Variants in BSPRY observed in about 807,000 individuals in gnomAD.
BSPRY encodes the protein B-box and SPRY domain containing, also known as B box and SPRY domain-containing protein.
In BSPRY, 33 loss-of-function variants were observed where a neutral mutation model predicts 38.0. That is an observed-to-expected ratio of 0.87 (90% confidence interval 0.66 to 1.16). The LOEUF (loss-of-function observed/expected upper bound fraction) is 1.16. Ranked by LOEUF, BSPRY falls within the 50% of genes most tolerant of loss-of-function variation. The probability of loss-of-function intolerance (pLI) is 0.00; values close to 1 mark genes in which losing one functional copy is unlikely to be tolerated. For missense variants in BSPRY, 523 were observed against 533.2 expected, an observed-to-expected ratio of 0.98 and a Z score of 0.19; for synonymous variants, 224 against 228.5, an observed-to-expected ratio of 0.98 and a Z score of 0.18.
intron 2 of BSPRY, 84 bp downstream of exon 2, chr9:113,354,422 T>A: frequency 9.5e-7 from 1 of 1,051,002 alleles, no homozygotes; most frequent in Non-Finnish European, 1.4e-6. Context: ...CTAGGGTCCC[T>A]TACCAACCTC....
At position 113,349,603 on chromosome 9, in the gene BSPRY, G is replaced by A; in HGVS notation, c.24G>A (p.Pro8=). The change falls in exon 1 of 6, where the codon CCG becomes CCA. Residue 8 remains proline, a synonymous_variant. Transcript: ENST00000374183. ...CCATGTCCGCCGAGGGCGCGGAGCCGGGGCCGGGGTCCGGGTCCGGGCCCG... is the reference window on the plus strand; with the variant it reads ...CCATGTCCGCCGAGGGCGCGGAGCCAGGGCCGGGGTCCGGGTCCGGGCCCG... MSAEGAE[P]GPGSGSGPGP... The A allele has an allele frequency of 8.4e-7, 1 of 1,187,352 alleles. No individual in the cohort carries two copies. The highest frequency in any genetic ancestry group is 4.0e-5 in the South Asian group (1 of 25,080). 73.6% of individuals were successfully genotyped at this position (1,187,352 alleles called of 1,614,324 possible).
At chr9:113,365,035 G>C (rs1834225678) in intron 4 of BSPRY, among the ~76,000 whole-genome samples, 2 of 149,682 alleles carry the variant, frequency 1.3e-5, no homozygotes, top group Non-Finnish European at 1.5e-5. Context: ...GTTATCTTAT[G>C]ATTAGATTCA....
At chr9:113,353,156 G>T (rs10117953) in intron 1 of BSPRY, among the ~76,000 whole-genome samples, 125 of 151,548 alleles carry the variant, frequency 8.2e-4, no homozygotes, top group African/African-American at 2.9e-3. Flanking sequence ...GGGGGGCTGA[G>T]GCGGGAGGAT....
intron 2 of BSPRY, among the ~76,000 whole-genome samples, chr9:113,357,751 C>T (rs1834083024): frequency 6.6e-6 from 1 of 151,120 alleles, no homozygotes; most frequent in South Asian, 2.1e-4. Flanking sequence ...CTCCATTGCC[C>T]AGGCTGAAAT....
In BSPRY at chr9:113,370,881, T is replaced by C. The variant is rs1203021175; in HGVS notation, c.*739T>C. 6.6e-6 allele frequency: 1 copy of C among 152,250 alleles called. No individual in the cohort carries two copies. Among genetic ancestry groups the C allele is most frequent in the African/African-American group, 2.4e-5 (1 of 41,460 alleles). The allele number at this position is 152,250 out of a possible 1,614,324, so 9.4% of individuals were successfully genotyped here. ...ACATGGCACATAGAGAAAATATTTTTTTCTAGCACACAAGAGCAACCTGAA... is the reference window on the plus strand; with the variant it reads ...ACATGGCACATAGAGAAAATATTTTCTTCTAGCACACAAGAGCAACCTGAA... On this transcript the variant is annotated 3_prime_UTR_variant, in exon 6 of 6. Coordinates refer to ENST00000374183, the MANE Select transcript of BSPRY (RefSeq NM_017688.3). The surrounding 1 kb of genome is among the most constrained non-coding windows in gnomAD (Gnocchi z 4.8).
At chr9:113,355,932 T>A in intron 2 of BSPRY, among the ~76,000 whole-genome samples, 1 of 152,128 alleles carries the variant, frequency 6.6e-6, no homozygotes, top group Non-Finnish European at 1.5e-5. Flanking sequence ...ATCCTGACTT[T>A]AAGAGGAAAG....
In BSPRY at chr9:113,370,583, C is replaced by CT. The variant is rs1214705947; in HGVS notation, c.*442dup. On this transcript the variant is annotated 3_prime_UTR_variant, in exon 6 of 6. Transcript: ENST00000374183. This position sits in a 1 kb window ranked among gnomAD's most constrained non-coding sequence, Gnocchi z 4.8. Reference sequence around the variant, plus strand: ...CCAAATCCACCATGCATCTGCCCCTCTGAGGGTGTCTTCACTTTGTCTCTG... The same window carrying CT: ...CCAAATCCACCATGCATCTGCCCCTCTTGAGGGTGTCTTCACTTTGTCTCTG... 1.3e-5 allele frequency: 2 copies of CT among 154,428 alleles called. No individual in the cohort carries two copies. Among genetic ancestry groups the CT allele is most frequent in the Non-Finnish European group, 2.9e-5 (2 of 69,800 alleles). The allele number at this position is 154,428 out of a possible 1,614,324, so 9.6% of individuals were successfully genotyped here. A position where few individuals can be genotyped will look rare whatever the true frequency, so the allele number is the denominator to read the frequency against.
intron 2 of BSPRY, among the ~76,000 whole-genome samples, chr9:113,356,096 C>G (rs1834053424): frequency 6.6e-6 from 1 of 152,254 alleles, no homozygotes; most frequent in Non-Finnish European, 1.5e-5. Context: ...AGAAGAGGGA[C>G]AGTAACAAAA....
chr9:113,354,514 G>A (rs1834025303), intron 2 of BSPRY, among the ~76,000 whole-genome samples, 176 bp downstream of exon 2: 1 of 152,094 alleles, frequency 6.6e-6, no homozygotes, highest in Non-Finnish European at 1.5e-5. Context: ...GCTTGTTCCT[G>A]TACCATACTT....
chr9:113,352,762 TG>T (rs1833992293), intron 1 of BSPRY, among the ~76,000 whole-genome samples: 1 of 152,008 alleles, frequency 6.6e-6, no homozygotes, highest in Admixed American at 6.6e-5. Context: ...TCTGGCTAGC[TG>T]GGGGGTTGGG....
Position 113,370,125 on chromosome 9 carries a change from A to G in BSPRY, c.1192A>G (p.Ile398Val). The G allele has an allele frequency of 1.3e-6, 2 of 1,575,014 alleles. No homozygotes were observed. Among genetic ancestry groups the G allele is most frequent in the Middle Eastern group, 1.7e-4 (1 of 5,786 alleles). Residue 398 changes from isoleucine to valine, a missense_variant, in exon 6 of 6, where the codon ATT (isoleucine) becomes GTT (valine). Ile to Val is a conservative substitution (Grantham distance 29). Coordinates refer to ENST00000374183, the MANE Select transcript of BSPRY (RefSeq NM_017688.3). The surrounding 1 kb of genome is among the most constrained non-coding windows in gnomAD (Gnocchi z 4.8). Reference protein sequence around the residue: ...FPVFAVADQTISIVR With the variant: ...FPVFAVADQTVSIVR ...AGTCTTTGCTGTGGCCGATCAGACCATTTCTATCGTCCGCTGACCTCTGGC... is the reference window on the plus strand; with the variant it reads ...AGTCTTTGCTGTGGCCGATCAGACCGTTTCTATCGTCCGCTGACCTCTGGC...
intron 4 of BSPRY, among the ~76,000 whole-genome samples, chr9:113,364,190 A>G (rs2118924951): frequency 6.6e-6 from 1 of 152,256 alleles, no homozygotes; most frequent in East Asian, 1.9e-4. Flanking sequence ...CTGTCTCAAA[A>G]AAAACAAAAA....
At chr9:113,355,698 T>G (rs1834046870) in intron 2 of BSPRY, among the ~76,000 whole-genome samples, 1 of 151,146 alleles carries the variant, frequency 6.6e-6, no homozygotes, top group African/African-American at 2.4e-5. Context: ...CACTGAAACC[T>G]CCGTCTCCTG....
intron 2 of BSPRY, 75 bp from the exon 3 acceptor site, chr9:113,360,432 C>T: frequency 1.4e-6 from 2 of 1,395,484 alleles, no homozygotes; most frequent in Non-Finnish European, 2.0e-6. Flanking sequence ...CTCCTTTCCA[C>T]TGAGCCTAAA....
Position 113,360,652 on chromosome 9 carries a change from A to T in BSPRY, c.446A>T (p.His149Leu), listed in dbSNP as rs1246242489. 1.2e-6 allele frequency: 2 copies of T among 1,609,084 alleles called. No homozygotes were observed. The highest frequency in any genetic ancestry group is 3.4e-5 in the Admixed American group (2 of 59,432). Residue 149 changes from histidine (H) to leucine (L), a missense_variant, in exon 3 of 6, where the codon CAC becomes CTC. Physicochemically the swap from His to Leu is moderately conservative, Grantham distance 99 (BLOSUM62 -3). Coordinates refer to ENST00000374183, the MANE Select transcript of BSPRY (RefSeq NM_017688.3). ...CAGAGCATCCTGACACAGCGGGTGCACTGGGCCGAGGCGCTGCAGAAACTT... is the reference window on the plus strand; with the variant it reads ...CAGAGCATCCTGACACAGCGGGTGCTCTGGGCCGAGGCGCTGCAGAAACTT... ...AHQSILTQRV[H>L]WAEALQKLDT...
chr9:113,366,020 G>T (rs1470810101), intron 4 of BSPRY, among the ~76,000 whole-genome samples: 3 of 152,026 alleles, frequency 2.0e-5, no homozygotes, highest in Non-Finnish European at 4.4e-5. Flanking sequence ...AGCCAGGCTG[G>T]TCTCGAACTC....
rs201842564 is a variant in BSPRY at position 113,358,254 on chromosome 9, C to CA, written c.301-2247dup. On this transcript the variant is annotated intron_variant, in intron 2 of 5. Transcript: ENST00000374183. ...CAGAGCGAGACCCTGTCTCAAAAAA[C>CA]AAAAAATAAAAACCTCTTTTTTTTT... is the stretch of plus-strand genomic sequence containing the variant. Among the ~76,000 whole-genome samples, 646 of 150,392 alleles carry CA rather than the reference C, an allele frequency of 4.3e-3. 4 individuals are homozygous for CA. The highest frequency in any genetic ancestry group is 0.014 in the African/African-American group (588 of 41,092).
rs1414967910 is a variant in BSPRY at position 113,349,645 on chromosome 9, C to T, written c.66C>T (p.Cys22=). 3.3e-6 allele frequency: 4 copies of T among 1,226,950 alleles called. No homozygotes were observed. The Admixed American group carries it at 1.2e-4, about 38-fold the overall frequency. The allele number at this position is 1,226,950 out of a possible 1,614,324, so 76.0% of individuals were successfully genotyped here. A position where few individuals can be genotyped will look rare whatever the true frequency, so the allele number is the denominator to read the frequency against. Residue 22 remains cysteine, a synonymous_variant, in exon 1 of 6, where the codon TGC becomes TGT. Transcript: ENST00000374183. ...SGSGPGPGPL[C]PEHGQALSWF... is the part of the protein sequence containing the mutation. ...CCGGGCCCGGGCCGGGGCCACTCTGCCCCGAACACGGCCAGGCTCTGAGCT... is the reference window on the plus strand; with the variant it reads ...CCGGGCCCGGGCCGGGGCCACTCTGTCCCGAACACGGCCAGGCTCTGAGCT...
intron 3 of BSPRY, among the ~76,000 whole-genome samples, chr9:113,361,950 T>C (rs1048104957): frequency 2.0e-5 from 3 of 152,216 alleles, no homozygotes; most frequent in African/African-American, 7.2e-5. Context: ...TGCTCGAAAC[T>C]GTGCATTCAT....
Sources: allele counts gnomAD v4.1 joint callset (sites outside exome capture counted in the v4.1 genomes callset), GRCh38; gene constraint gnomAD v4.1.1; non-coding constraint Gnocchi (gnomAD v3.1); transcripts MANE v1.5; gene names NCBI Gene and HGNC (gene_info 2026-07-23, HGNC 2026-07-21).